The following KCNH8 variants were observed in gnomAD, a reference collection of about 807,000 sequenced individuals.
KCNH8 encodes potassium voltage-gated channel subfamily H member 8, also known as voltage-gated delayed rectifier potassium channel KCNH8.
KCNH8 carries 70 observed loss-of-function variants against 103.6 expected under a neutral mutation model. The ratio of observed to expected loss-of-function variants is 0.68; its 90% CI spans 0.56 to 0.82. The LOEUF (loss-of-function observed/expected upper bound fraction) is 0.82, where lower values mean the gene tolerates loss of function less well. Ranked by LOEUF, KCNH8 falls within the 40% of genes least tolerant of loss-of-function variation. The pLI is 0.00. For synonymous variants in KCNH8, 498 were observed against 489.4 expected (o/e 1.02, Z -0.23); for missense variants, 1,217 against 1,329.9 (o/e 0.92, Z 1.32).
At chr3:19,164,344 A>G (rs1426156915) in intron 1 of KCNH8, among the ~76,000 whole-genome samples, 2 of 152,218 alleles carry the variant, frequency 1.3e-5, no homozygotes, top group Non-Finnish European at 2.9e-5. Context: ...CTGTGCTTTT[A>G]GTTTGAAAAG....
chr3:19,162,468 C>T (rs572074018), intron 1 of KCNH8, among the ~76,000 whole-genome samples: 1 of 151,762 alleles, frequency 6.6e-6, no homozygotes, highest in East Asian at 1.9e-4. Flanking sequence ...GATCACGCCA[C>T]TGCACTCCAG....
At chr3:19,163,891 A>G (rs997091376) in intron 1 of KCNH8, among the ~76,000 whole-genome samples, 2 of 152,066 alleles carry the variant, frequency 1.3e-5, no homozygotes, top group Non-Finnish European at 2.9e-5. Flanking sequence ...TCTTTTCTCT[A>G]GCTTAATTTA....
intron 1 of KCNH8, among the ~76,000 whole-genome samples, chr3:19,160,108 C>A (rs2063219607): frequency 1.3e-5 from 2 of 152,028 alleles, no homozygotes; most frequent in Non-Finnish European, 2.9e-5. Flanking sequence ...GTCATGGGTG[C>A]CCACATTGAC....
rs560685215 is a variant in KCNH8, at chr3:19,450,364, A to G, written c.1575+59A>G. ...AAAGCACATATTCTAAGGTAAACGC[A>G]AGATGTTCTAATGCAGGTATCAGAA... On this transcript the variant is annotated intron_variant, in intron 9 of 15. Transcript: ENST00000328405. The G allele has an allele frequency of 5.3e-6, 7 of 1,315,412 alleles. No homozygotes were observed. The African/African-American group carries it at 8.7e-5, about 16-fold the overall frequency. The allele number at this position is 1,315,412 out of a possible 1,614,324, so 81.5% of individuals were successfully genotyped here.
At chr3:19,194,651 A>T (rs2063583862) in intron 1 of KCNH8, among the ~76,000 whole-genome samples, 1 of 151,806 alleles carries the variant, frequency 6.6e-6, no homozygotes, top group Admixed American at 6.6e-5. Flanking sequence ...AGGAGGGGGT[A>T]GGGGTTGAAA....
At chr3:19,368,712 T>C (rs2066046276) in intron 5 of KCNH8, among the ~76,000 whole-genome samples, 1 of 151,970 alleles carries the variant, frequency 6.6e-6, no homozygotes, top group African/African-American at 2.4e-5. Context: ...GTCAGTAAAT[T>C]TATGCTGCGT....
intron 11 of KCNH8, among the ~76,000 whole-genome samples, chr3:19,488,360 G>A (rs551560984): frequency 1.2e-4 from 19 of 152,290 alleles, no homozygotes; most frequent in African/African-American, 4.3e-4. Context: ...CTTTCTCAGC[G>A]GCTTGTTGCA....
chr3:19,523,248 T>C (rs763420974), intron 15 of KCNH8, among the ~76,000 whole-genome samples: 15 of 151,954 alleles, frequency 9.9e-5, no homozygotes, highest in Admixed American at 2.0e-4. Flanking sequence ...CCTTTAAAAA[T>C]AGATATTACA....
At chr3:19,469,932 A>T (rs1177923784) in intron 11 of KCNH8, among the ~76,000 whole-genome samples, 3 of 151,692 alleles carry the variant, frequency 2.0e-5, no homozygotes, top group Non-Finnish European at 4.4e-5. Flanking sequence ...ACTCTACTGG[A>T]CTCCACTGGA....
In KCNH8 at chr3:19,314,244, G is replaced by A. The variant is rs1170273402; in HGVS notation, c.443-28343G>A. On this transcript the variant is annotated intron_variant, in intron 3 of 15. Transcript: ENST00000328405. Reference sequence around the variant, plus strand: ...TGTAAAAGATATGATAGTAAATATTGTGGGCTTTATGGACCATATAAAGTC... The same window carrying A: ...TGTAAAAGATATGATAGTAAATATTATGGGCTTTATGGACCATATAAAGTC... Among the ~76,000 whole-genome samples, 4 of 151,948 alleles carry A rather than the reference G, an allele frequency of 2.6e-5. No homozygotes were observed. In the East Asian group the frequency reaches 7.8e-4, roughly 29 times the overall value.
chr3:19,365,904 G>T (rs768565915), intron 5 of KCNH8, among the ~76,000 whole-genome samples: 6 of 152,002 alleles, frequency 3.9e-5, no homozygotes, highest in Non-Finnish European at 4.4e-5. Flanking sequence ...GCAATCAACT[G>T]TATCTCTTGA....
intron 5 of KCNH8, among the ~76,000 whole-genome samples, chr3:19,356,070 A>G (rs759104582): frequency 1.3e-4 from 20 of 151,842 alleles, no homozygotes; most frequent in African/African-American, 1.9e-4. Context: ...GAACTACAAG[A>G]TGATGTTTTA....
chr3:19,275,774 T>G (rs1373759061), intron 2 of KCNH8, among the ~76,000 whole-genome samples: 1 of 152,148 alleles, frequency 6.6e-6, no homozygotes, highest in African/African-American at 2.4e-5. Context: ...TCTTTGCACG[T>G]CCATCACATT....
chr3:19,395,182 C>G lies in KCNH8; in HGVS notation c.1048C>G (p.Gln350Glu). Residue 350 changes from glutamine to glutamate, a missense_variant, in exon 7 of 16, where the codon CAA becomes GAA. Gln to Glu is a conservative substitution (Grantham distance 29). Coordinates refer to ENST00000328405, the MANE Select transcript of KCNH8 (RefSeq NM_144633.3). ...RLLQKLDRYSQHSTIVLTLLM... is the reference protein window; with the variant it reads ...RLLQKLDRYSEHSTIVLTLLM... The stretch of plus-strand genomic sequence containing the variant: ...GCTGCAGAAGTTAGACCGCTATTCC[C>G]AACACAGTACTATCGTCCTGACTCT... The G allele has an allele frequency of 1.2e-6, 2 of 1,611,200 alleles. No individual in the cohort carries two copies. Among genetic ancestry groups the G allele is most frequent in the Non-Finnish European group, 1.7e-6 (2 of 1,178,614 alleles).
rs2069227787 is a variant in KCNH8, at chr3:19,534,262, G to GCAAA, written c.*167_*170dup. ...AAGGCAGAACCACCTCCATGCTGTA[G>GCAAA]CAAACAATTTCTAGATACTAGAAGC... On this transcript the variant is annotated 3_prime_UTR_variant, in exon 16 of 16. Transcript: ENST00000328405. The GCAAA allele has an allele frequency of 1.6e-6, 1 of 606,178 alleles. No individual in the cohort carries two copies. Among genetic ancestry groups the GCAAA allele is most frequent in the South Asian group, 2.1e-5 (1 of 47,944 alleles). The allele number at this position is 606,178 out of a possible 1,614,324, so 37.5% of individuals were successfully genotyped here.
rs117753836 is a variant in KCNH8 at position 19,505,340 on chromosome 3, A to T, written c.2041-5023A>T. ...GTTGGAGGAGGGAGAGGATCAGAAA[A>T]TATAATAGGTACTAGGCTTAGTACA... On this transcript the variant is annotated intron_variant, in intron 11 of 15. Transcript: ENST00000328405. Among the ~76,000 whole-genome samples, 325 of 152,274 alleles carry T rather than the reference A, an allele frequency of 2.1e-3. 3 individuals are homozygous for T. The East Asian group carries it at 0.034, about 16-fold the overall frequency.
intron 10 of KCNH8, among the ~76,000 whole-genome samples, chr3:19,455,681 C>G (rs144883731): frequency 6.6e-6 from 1 of 152,162 alleles, no homozygotes; most frequent in East Asian, 1.9e-4. Context: ...GTGGTCAGTT[C>G]TCCATAAATA....
intron 3 of KCNH8, among the ~76,000 whole-genome samples, chr3:19,311,660 A>C (rs935428238): frequency 1.3e-5 from 2 of 151,798 alleles, no homozygotes; most frequent in African/African-American, 4.8e-5. Flanking sequence ...TATCCCTCAC[A>C]GACTCCAGGA....
At chr3:19,228,273 T>G (rs2063954640) in intron 1 of KCNH8, among the ~76,000 whole-genome samples, 1 of 152,224 alleles carries the variant, frequency 6.6e-6, no homozygotes, top group Non-Finnish European at 1.5e-5. Flanking sequence ...GTACTATGAA[T>G]GTTGAGTATT....
Sources: allele counts gnomAD v4.1 joint callset (sites outside exome capture counted in the v4.1 genomes callset), GRCh38; gene constraint gnomAD v4.1.1; transcripts MANE v1.5; gene names NCBI Gene and HGNC (gene_info 2026-07-23, HGNC 2026-07-21).